The following CEBPB variants were observed in gnomAD, a reference collection of about 807,000 sequenced individuals.
CEBPB encodes the protein CCAAT/enhancer-binding protein beta.
For synonymous variants in CEBPB, 295 were observed against 267.1 expected, an observed-to-expected ratio of 1.10 and a Z score of -1.02; for missense variants, 498 against 533.1, an observed-to-expected ratio of 0.93 and a Z score of 0.65.
rs1304588013 is a variant in CEBPB, at chr20:50,192,578, T to A, written c.*507T>A. ...TGTATTATAAAAAATAATCTATTTC[T>A]ATGAGAAAAGAGGCGTCTGTATATT... is the stretch of plus-strand genomic sequence containing the variant. On this transcript the variant is annotated 3_prime_UTR_variant, in exon 1 of 1. Transcript: ENST00000303004. 1 of 166,990 alleles carries A rather than the reference T, an allele frequency of 6.0e-6. No individual in the cohort carries two copies. Among genetic ancestry groups the A allele is most frequent in the Non-Finnish European group, 1.5e-5 (1 of 68,128 alleles). 10.3% of individuals were successfully genotyped at this position (166,990 alleles called of 1,614,324 possible).
chr20:50,191,427 A>G lies in CEBPB; in HGVS notation c.394A>G (p.Lys132Glu). The stretch of plus-strand genomic sequence containing the variant: ...CGACGACTACGGGGGCAAGAACTGC[A>G]AGAAGCCGGCCGAGTACGGCTACGT... ...FSDDYGGKNC[K>E]KPAEYGYVSL... Residue 132 changes from lysine to glutamate, a missense_variant, in exon 1 of 1, where the codon AAG becomes GAG. Coordinates refer to ENST00000303004, the MANE Select transcript of CEBPB (RefSeq NM_005194.4). The G allele has an allele frequency of 1.3e-6, 2 of 1,523,488 alleles. No homozygotes were observed. Among genetic ancestry groups the G allele is most frequent in the East Asian group, 2.8e-5 (1 of 35,912 alleles). The allele number at this position is 1,523,488 out of a possible 1,614,324, so 94.4% of individuals were successfully genotyped here. A position where few individuals can be genotyped will look rare whatever the true frequency, so the allele number is the denominator to read the frequency against.
At position 50,191,774 on chromosome 20, in the gene CEBPB, C is replaced by G; in HGVS notation, c.741C>G (p.Ala247=). ...CTGACGCCAAGGCGCCCCCGACCGC[C>G]TGCTACGCGGGGGCCGCGCCGGCGC... ...SPADAKAPPT[A]CYAGAAPAPS... The change falls in exon 1 of 1, where the codon GCC becomes GCG. Residue 247 remains alanine, a synonymous_variant. Coordinates refer to ENST00000303004, the MANE Select transcript of CEBPB (RefSeq NM_005194.4). The G allele has an allele frequency of 6.5e-7, 1 of 1,544,298 alleles. No homozygotes were observed. Among genetic ancestry groups the G allele is most frequent in the Non-Finnish European group, 8.7e-7 (1 of 1,145,750 alleles).
Position 50,191,606 on chromosome 20 carries a change from G to A in CEBPB, c.573G>A (p.Gly191=), listed in dbSNP as rs773803794. 1.9e-5 allele frequency: 26 copies of A among 1,344,488 alleles called. No individual in the cohort carries two copies. The South Asian group carries it at 4.3e-4, about 22-fold the overall frequency. 83.3% of individuals were successfully genotyped at this position (1,344,488 alleles called of 1,614,324 possible). The stretch of plus-strand genomic sequence containing the variant: ...ACTGCAAGCGGAAGGAGGAGGCCGG[G>A]GCGCCGGGCGGCGGCGCAGGCATGG... ...PADCKRKEEA[G]APGGGAGMAA... Residue 191 remains glycine (G), a synonymous_variant, in exon 1 of 1, where the codon GGG becomes GGA. Coordinates refer to ENST00000303004, the MANE Select transcript of CEBPB (RefSeq NM_005194.4).
At position 50,192,097 on chromosome 20, in the gene CEBPB, C is replaced by A. The variant is rs2081583045; in HGVS notation, c.*26C>A. On this transcript the variant is annotated 3_prime_UTR_variant, in exon 1 of 1. Coordinates refer to ENST00000303004, the MANE Select transcript of CEBPB (RefSeq NM_005194.4). ...CGCGGCCCCCGCGCGCGTCCCCCTG[C>A]CGGCCGGGGCTGAGACTCCGGGGAG... 2.0e-6 allele frequency: 3 copies of A among 1,482,660 alleles called. No homozygotes were observed. The highest frequency in any genetic ancestry group is 2.7e-6 in the Non-Finnish European group (3 of 1,116,592). 91.8% of individuals were successfully genotyped at this position (1,482,660 alleles called of 1,614,324 possible).
Position 50,191,408 on chromosome 20 carries a change from C to T in CEBPB, c.375C>T (p.Asp125=), listed in dbSNP as rs771651043. The change falls in exon 1 of 1, where the codon GAC becomes GAT. Residue 125 remains aspartate (D), a synonymous_variant. Transcript: ENST00000303004. ...HDFLSDLFSD[D]YGGKNCKKPA... is the part of the protein sequence containing the mutation. ...TCCTCTCCGACCTCTTCTCCGACGA[C>T]TACGGGGGCAAGAACTGCAAGAAGC... 9.9e-6 allele frequency: 15 copies of T among 1,520,158 alleles called. No homozygotes were observed. Among genetic ancestry groups the T allele is most frequent in the Middle Eastern group, 3.4e-4 (2 of 5,812 alleles). The allele number at this position is 1,520,158 out of a possible 1,614,324, so 94.2% of individuals were successfully genotyped here. A position where few individuals can be genotyped will look rare whatever the true frequency, so the allele number is the denominator to read the frequency against.
chr20:50,190,957 C>T lies in CEBPB; in HGVS notation c.-77C>T, dbSNP rs916886956. 3.7e-6 allele frequency: 5 copies of T among 1,366,260 alleles called. No individual in the cohort carries two copies. Among genetic ancestry groups the T allele is most frequent in the South Asian group, 3.3e-5 (2 of 59,838 alleles). 84.6% of individuals were successfully genotyped at this position (1,366,260 alleles called of 1,614,324 possible). A position where few individuals can be genotyped will look rare whatever the true frequency, so the allele number is the denominator to read the frequency against. ...CAGCAGCGACGCAGCGGCGACAGCTCAGAGCAGGGAGGCCGCGCCACCTGC... is the reference window on the plus strand; with the variant it reads ...CAGCAGCGACGCAGCGGCGACAGCTTAGAGCAGGGAGGCCGCGCCACCTGC... On this transcript the variant is annotated 5_prime_UTR_variant, in exon 1 of 1. Transcript: ENST00000303004.
Position 50,191,051 on chromosome 20 carries a change from C to A in CEBPB, c.18C>A (p.Ala6=), listed in dbSNP as rs765852624. MQRLV[A]WDPACLPLPP... ...CCGCGTTCATGCAACGCCTGGTGGC[C>A]TGGGACCCAGCATGTCTCCCCCTGC... Residue 6 remains alanine, a synonymous_variant, in exon 1 of 1, where the codon GCC becomes GCA. Transcript: ENST00000303004. 12 of 1,548,980 alleles carry A rather than the reference C, an allele frequency of 7.7e-6. No individual in the cohort carries two copies. The highest frequency in any genetic ancestry group is 9.5e-6 in the Non-Finnish European group (11 of 1,156,040).
rs2081579726 is a variant in CEBPB, at chr20:50,191,720, G to A, written c.687G>A (p.Ser229=). The change falls in exon 1 of 1, where the codon TCG becomes TCA. Residue 229 remains serine (S), a synonymous_variant. Coordinates refer to ENST00000303004, the MANE Select transcript of CEBPB (RefSeq NM_005194.4). ...GSSGSLSTSS[S]SSPPGTPSPA... ...GCGGGAGCCTCTCCACGTCCTCCTC[G>A]TCCAGCCCGCCCGGCACGCCGAGCC... 2 of 1,512,408 alleles carry A rather than the reference G, an allele frequency of 1.3e-6. No individual in the cohort carries two copies. Among genetic ancestry groups the A allele is most frequent in the East Asian group, 2.6e-5 (1 of 38,406 alleles). The allele number at this position is 1,512,408 out of a possible 1,614,324, so 93.7% of individuals were successfully genotyped here.
Position 50,192,042 on chromosome 20 carries a change from C to T in CEBPB, c.1009C>T (p.Pro337Ser), listed in dbSNP as rs1400314604. 1.3e-6 allele frequency: 2 copies of T among 1,588,798 alleles called. No individual in the cohort carries two copies. Among genetic ancestry groups the T allele is most frequent in the Admixed American group, 1.7e-5 (1 of 57,198 alleles). ...LRNLFKQLPEPLLASSGHC is the reference protein window; with the variant it reads ...LRNLFKQLPESLLASSGHC ...GAACTTGTTCAAGCAGCTGCCCGAG[C>T]CCCTGCTCGCCTCCTCCGGCCACTG... is the stretch of plus-strand genomic sequence containing the variant. The change falls in exon 1 of 1, where the codon CCC becomes TCC. Residue 337 changes from proline to serine, a missense_variant. Physicochemically the swap from Pro to Ser is moderately conservative, Grantham distance 74. Coordinates refer to ENST00000303004, the MANE Select transcript of CEBPB (RefSeq NM_005194.4).
chr20:50,191,387 C>T lies in CEBPB; in HGVS notation c.354C>T (p.Leu118=). ...PASSGQHHDF[L]SDLFSDDYGG... ...CCTCCGGGCAGCACCACGACTTCCTCTCCGACCTCTTCTCCGACGACTACG... is the reference window on the plus strand; with the variant it reads ...CCTCCGGGCAGCACCACGACTTCCTTTCCGACCTCTTCTCCGACGACTACG... Residue 118 remains leucine, a synonymous_variant, in exon 1 of 1, where the codon CTC becomes CTT. Transcript: ENST00000303004. 6.7e-7 allele frequency: 1 copy of T among 1,502,424 alleles called. No homozygotes were observed. The highest frequency in any genetic ancestry group is 8.9e-7 in the Non-Finnish European group (1 of 1,121,730). The allele number at this position is 1,502,424 out of a possible 1,614,324, so 93.1% of individuals were successfully genotyped here. A position where few individuals can be genotyped will look rare whatever the true frequency, so the allele number is the denominator to read the frequency against.
chr20:50,191,733 G>A lies in CEBPB; in HGVS notation c.700G>A (p.Gly234Ser), dbSNP rs2081579848. 1.3e-6 allele frequency: 2 copies of A among 1,517,710 alleles called. No individual in the cohort carries two copies. The highest frequency in any genetic ancestry group is 1.4e-5 in the African/African-American group (1 of 69,976). The allele number at this position is 1,517,710 out of a possible 1,614,324, so 94.0% of individuals were successfully genotyped here. ...LSTSSSSSPP[G>S]TPSPADAKAP... ...CACGTCCTCCTCGTCCAGCCCGCCC[G>A]GCACGCCGAGCCCCGCTGACGCCAA... Residue 234 changes from glycine to serine, a missense_variant, in exon 1 of 1, where the codon GGC becomes AGC. By Grantham distance (56) the Gly-to-Ser change is moderately conservative. Coordinates refer to ENST00000303004, the MANE Select transcript of CEBPB (RefSeq NM_005194.4).
chr20:50,192,030 C>G lies in CEBPB; in HGVS notation c.997C>G (p.Gln333Glu). The change falls in exon 1 of 1, where the codon CAG (glutamine) becomes GAG (glutamate). Residue 333 changes from glutamine to glutamate, a missense_variant. Gln to Glu is a conservative substitution (Grantham distance 29). Coordinates refer to ENST00000303004, the MANE Select transcript of CEBPB (RefSeq NM_005194.4). ...CAGCACCCTGCGGAACTTGTTCAAG[C>G]AGCTGCCCGAGCCCCTGCTCGCCTC... is the stretch of plus-strand genomic sequence containing the variant. ...ELSTLRNLFK[Q>E]LPEPLLASSG... The G allele has an allele frequency of 6.3e-7, 1 of 1,598,542 alleles. No individual in the cohort carries two copies. The highest frequency in any genetic ancestry group is 8.5e-7 in the Non-Finnish European group (1 of 1,174,230).
chr20:50,192,675 C>T (rs1414274634), downstream of CEBPB: 2 of 165,050 alleles, frequency 1.2e-5, no homozygotes, highest in South Asian at 2.1e-4. Context: ...GTTACAAAGC[C>T]TTTTGGGGGC....
Position 50,191,486 on chromosome 20 carries a change from GCTGCACCCCGGCTGCTTCGCGCCC to G in CEBPB, c.462_485del (p.Gly155_Pro162del). On this transcript the variant is annotated inframe_deletion, in exon 1 of 1. Coordinates refer to ENST00000303004, the MANE Select transcript of CEBPB (RefSeq NM_005194.4). ...GGCGCCTGGGGGCCGCCAAGGGCGC[GCTGCACCCCGGCTGCTTCGCGCCC>G]CTGCACCCACCGCCCCCGCCGCCGC... 6.9e-7 allele frequency: 1 copy of G among 1,455,426 alleles called. No homozygotes were observed. The highest frequency in any genetic ancestry group is 9.1e-7 in the Non-Finnish European group (1 of 1,099,802). The allele number at this position is 1,455,426 out of a possible 1,614,324, so 90.2% of individuals were successfully genotyped here.
rs778412840 is a variant in CEBPB, at chr20:50,191,081, G to T, written c.48G>T (p.Pro16=). 1 of 1,554,840 alleles carries T rather than the reference G, an allele frequency of 6.4e-7. No individual in the cohort carries two copies. ...ACCCAGCATGTCTCCCCCTGCCGCC[G>T]CCGCCGCCTGCCTTTAAATCCATGG... ...AWDPACLPLP[P]PPPAFKSMEV... Residue 16 remains proline, a synonymous_variant, in exon 1 of 1, where the codon CCG becomes CCT. Transcript: ENST00000303004.
At position 50,191,522 on chromosome 20, in the gene CEBPB, G is replaced by T; in HGVS notation, c.489G>T (p.Pro163=). ...HPGCFAPLHP[P]PPPPPPPAEL... ...GCTGCTTCGCGCCCCTGCACCCACCGCCCCCGCCGCCGCCGCCGCCCGCCG... is the reference window on the plus strand; with the variant it reads ...GCTGCTTCGCGCCCCTGCACCCACCTCCCCCGCCGCCGCCGCCGCCCGCCG... Residue 163 remains proline (P), a synonymous_variant, in exon 1 of 1, where the codon CCG becomes CCT. Coordinates refer to ENST00000303004, the MANE Select transcript of CEBPB (RefSeq NM_005194.4). 3.1e-6 allele frequency: 4 copies of T among 1,311,392 alleles called. No homozygotes were observed. Among genetic ancestry groups the T allele is most frequent in the Non-Finnish European group, 3.9e-6 (4 of 1,035,598 alleles). 81.2% of individuals were successfully genotyped at this position (1,311,392 alleles called of 1,614,324 possible). A position where few individuals can be genotyped will look rare whatever the true frequency, so the allele number is the denominator to read the frequency against.
At position 50,192,124 on chromosome 20, in the gene CEBPB, GC is replaced by G; in HGVS notation, c.*56del. Reference sequence around the variant, plus strand: ...GGCCGGGGCTGAGACTCCGGGGAGCGCCCGCGCCCGCGCCCTCGCCCCCGCC... The same window carrying G: ...GGCCGGGGCTGAGACTCCGGGGAGCGCCGCGCCCGCGCCCTCGCCCCCGCC... On this transcript the variant is annotated 3_prime_UTR_variant, in exon 1 of 1. Transcript: ENST00000303004. The G allele has an allele frequency of 7.7e-7, 1 of 1,291,634 alleles. No individual in the cohort carries two copies. Among genetic ancestry groups the G allele is most frequent in the Admixed American group, 4.2e-5 (1 of 23,714 alleles). 80.0% of individuals were successfully genotyped at this position (1,291,634 alleles called of 1,614,324 possible).
Position 50,191,772 on chromosome 20 carries a change from G to T in CEBPB, c.739G>T (p.Ala247Ser), listed in dbSNP as rs1490163883. 1.3e-6 allele frequency: 2 copies of T among 1,542,454 alleles called. No homozygotes were observed. Among genetic ancestry groups the T allele is most frequent in the Non-Finnish European group, 8.7e-7 (1 of 1,145,068 alleles). Residue 247 changes from alanine to serine, a missense_variant, in exon 1 of 1, where the codon GCC (alanine) becomes TCC (serine). Coordinates refer to ENST00000303004, the MANE Select transcript of CEBPB (RefSeq NM_005194.4). Reference protein sequence around the residue: ...SPADAKAPPTACYAGAAPAPS... With the variant: ...SPADAKAPPTSCYAGAAPAPS... Reference sequence around the variant, plus strand: ...CGCTGACGCCAAGGCGCCCCCGACCGCCTGCTACGCGGGGGCCGCGCCGGC... The same window carrying T: ...CGCTGACGCCAAGGCGCCCCCGACCTCCTGCTACGCGGGGGCCGCGCCGGC...
rs770871759 is a variant in CEBPB at position 50,191,399 on chromosome 20, C to T, written c.366C>T (p.Phe122=). 8 of 1,512,798 alleles carry T rather than the reference C, an allele frequency of 5.3e-6. No individual in the cohort carries two copies. Among genetic ancestry groups the T allele is most frequent in the Non-Finnish European group, 7.1e-6 (8 of 1,127,526 alleles). The allele number at this position is 1,512,798 out of a possible 1,614,324, so 93.7% of individuals were successfully genotyped here. Reference sequence around the variant, plus strand: ...ACCACGACTTCCTCTCCGACCTCTTCTCCGACGACTACGGGGGCAAGAACT... The same window carrying T: ...ACCACGACTTCCTCTCCGACCTCTTTTCCGACGACTACGGGGGCAAGAACT... ...GQHHDFLSDL[F]SDDYGGKNCK... The change falls in exon 1 of 1, where the codon TTC becomes TTT. Residue 122 remains phenylalanine (F), a synonymous_variant. Coordinates refer to ENST00000303004, the MANE Select transcript of CEBPB (RefSeq NM_005194.4).
Sources: gnomAD v4.1 joint callset for allele counts on GRCh38, gnomAD v4.1.1 for gene constraint, MANE v1.5 for transcripts, NCBI Gene and HGNC (gene_info 2026-07-23, HGNC 2026-07-21) for gene names.